The following KLF7 variants were observed in gnomAD, a reference collection of about 807,000 sequenced individuals.
The protein encoded by KLF7 is KLF transcription factor 7, also known as Krueppel-like factor 7.
KLF7 carries 2 observed loss-of-function variants against 27.3 expected under a neutral mutation model. The observed-to-expected ratio is 0.07, with a 90% confidence interval of 0.03 to 0.23. The LOEUF (loss-of-function observed/expected upper bound fraction) is 0.23, where lower values mean the gene tolerates loss of function less well. Ranked by LOEUF, KLF7 falls within the 10% of genes least tolerant of loss-of-function variation. KLF7 has a pLI of 1.00. For missense variants in KLF7, 221 were observed against 394.1 expected (o/e 0.56, Z 3.72); for synonymous variants, 165 against 162.4 (o/e 1.02, Z -0.12).
At chr2:207,150,607 C>T (rs1011444466) in intron 1 of KLF7, among the ~76,000 whole-genome samples, 1 of 152,198 alleles carries the variant, frequency 6.6e-6, no homozygotes. Flanking sequence ...CTATCATAAG[C>T]CCTGCACTTC....
At chr2:207,137,121 T>C (rs573067220) in intron 1 of KLF7, among the ~76,000 whole-genome samples, 1 of 152,220 alleles carries the variant, frequency 6.6e-6, no homozygotes, top group East Asian at 1.9e-4. Context: ...TATTAACTGG[T>C]ATCCTGGGTG....
At chr2:207,122,455 C>T (rs977112886) in intron 2 of KLF7, among the ~76,000 whole-genome samples, 2 of 152,104 alleles carry the variant, frequency 1.3e-5, no homozygotes, top group Non-Finnish European at 2.9e-5. Context: ...ATTATATATT[C>T]GAACTTCAGG....
Position 207,165,666 on chromosome 2 carries a change from A to G in KLF7, c.-98T>C. The G allele has an allele frequency of 6.3e-7, 1 of 1,577,810 alleles. No individual in the cohort carries two copies. Among genetic ancestry groups the G allele is most frequent in the Non-Finnish European group, 8.6e-7 (1 of 1,163,040 alleles). On this transcript the variant is annotated 5_prime_UTR_variant, in exon 1 of 4. Transcript: ENST00000309446. ...TGTCTGGCTCACCCCCCAAGAAGGC[A>G]GACATCCAGTGGCCCTTTTGTTTTG...
intron 2 of KLF7, among the ~76,000 whole-genome samples, chr2:207,103,912 G>T (rs1250926773): frequency 6.6e-6 from 1 of 152,198 alleles, no homozygotes; most frequent in Non-Finnish European, 1.5e-5. Flanking sequence ...TGCAACGTGG[G>T]TCTTATTAAC....
At chr2:207,156,909 A>G (rs2078397581) in intron 1 of KLF7, among the ~76,000 whole-genome samples, 1 of 152,160 alleles carries the variant, frequency 6.6e-6, no homozygotes, top group Non-Finnish European at 1.5e-5. Flanking sequence ...CTATACACCA[A>G]TGGCTCAATG....
At chr2:207,097,968 A>G (rs2076671296) in intron 2 of KLF7, among the ~76,000 whole-genome samples, 1 of 152,192 alleles carries the variant, frequency 6.6e-6, no homozygotes, top group African/African-American at 2.4e-5. Context: ...AAAAACTCAT[A>G]ACTGTTTAGG....
At chr2:207,119,135 TAGAG>T (rs953361238) in intron 2 of KLF7, among the ~76,000 whole-genome samples, 3 of 152,202 alleles carry the variant, frequency 2.0e-5, no homozygotes, top group Non-Finnish European at 2.9e-5. Context: ...CTTCAGTCTA[TAGAG>T]AGAGTCCTCC....
At chr2:207,146,358 C>T (rs2078095855) in intron 1 of KLF7, among the ~76,000 whole-genome samples, 1 of 152,160 alleles carries the variant, frequency 6.6e-6, no homozygotes, top group South Asian at 2.1e-4. Flanking sequence ...CTGAGGACTC[C>T]CAGTCACTTT....
chr2:207,134,154 A>ATTTTTTTTTT (rs35538720), intron 1 of KLF7: 106 of 1,142,442 alleles, frequency 9.3e-5, no homozygotes, highest in South Asian at 4.2e-4. Context: ...GGCTACTGGG[A>ATTTTTTTTTT]TTTTTTTTTT....
In KLF7 at chr2:207,081,125, G is replaced by A; in HGVS notation, c.*88C>T. 8.8e-7 allele frequency: 1 copy of A among 1,130,050 alleles called. No individual in the cohort carries two copies. The highest frequency in any genetic ancestry group is 1.3e-6 in the Non-Finnish European group (1 of 742,180). 70.0% of individuals were successfully genotyped at this position (1,130,050 alleles called of 1,614,324 possible). ...TGAGAACTTTCTTCTGCGAGGCAAT[G>A]GGTCCCCGCCTGAAGTCCAGCCCCC... On this transcript the variant is annotated 3_prime_UTR_variant, in exon 4 of 4. Coordinates refer to ENST00000309446, the MANE Select transcript of KLF7 (RefSeq NM_003709.4).
the KLF7 span, among the ~76,000 whole-genome samples, chr2:207,172,790 T>C: frequency 6.6e-6 from 1 of 152,244 alleles, no homozygotes; most frequent in Non-Finnish European, 1.5e-5. Flanking sequence ...CCAGTGGCCT[T>C]ATCAACCTTA....
chr2:207,118,544 T>C (rs1415009184), intron 2 of KLF7, among the ~76,000 whole-genome samples: 1 of 152,242 alleles, frequency 6.6e-6, no homozygotes, highest in African/African-American at 2.4e-5. Flanking sequence ...CCTTTATTAG[T>C]AAGCTTGGAA....
chr2:207,092,481 T>C (rs747373148), intron 2 of KLF7, among the ~76,000 whole-genome samples: 1 of 152,224 alleles, frequency 6.6e-6, no homozygotes, highest in Non-Finnish European at 1.5e-5. Context: ...GGGAGTAGTA[T>C]ATGCCACCTC....
chr2:207,113,533 A>C (rs1275648695), intron 2 of KLF7, among the ~76,000 whole-genome samples: 1 of 141,468 alleles, frequency 7.1e-6, no homozygotes, highest in Non-Finnish European at 1.5e-5. Context: ...CAGCAGGCCC[A>C]GACTGGTACC....
chr2:207,149,457 T>G (rs2078183392), intron 1 of KLF7, among the ~76,000 whole-genome samples: 5 of 152,244 alleles, frequency 3.3e-5, no homozygotes, highest in Admixed American at 3.3e-4. Context: ...CCATCCCGGC[T>G]GACTCCTGTG....
chr2:207,099,535 T>C (rs1371386701), intron 2 of KLF7, among the ~76,000 whole-genome samples: 2 of 134,078 alleles, frequency 1.5e-5, no homozygotes, highest in Admixed American at 7.8e-5. Flanking sequence ...AAAAGTTAAC[T>C]TTCTGCTACA....
At position 207,076,077 on chromosome 2, in the gene KLF7, T is replaced by C. The variant is rs1295114458; in HGVS notation, c.*5136A>G. Reference sequence around the variant, plus strand: ...CCCCCCAAAAGATATTAGGCACTGGTGGCTACTCCTCCGAAACGTCAGTAG... The same window carrying C: ...CCCCCCAAAAGATATTAGGCACTGGCGGCTACTCCTCCGAAACGTCAGTAG... On this transcript the variant is annotated 3_prime_UTR_variant, in exon 4 of 4. Transcript: ENST00000309446. 1 of 151,844 alleles carries C rather than the reference T, an allele frequency of 6.6e-6. No homozygotes were observed. The highest frequency in any genetic ancestry group is 1.5e-5 in the Non-Finnish European group (1 of 67,992). The allele number at this position is 151,844 out of a possible 1,614,324, so 9.4% of individuals were successfully genotyped here.
intron 1 of KLF7, among the ~76,000 whole-genome samples, chr2:207,137,765 T>G (rs889356992): frequency 8.5e-5 from 13 of 152,178 alleles, no homozygotes; most frequent in African/African-American, 2.4e-4. Flanking sequence ...TCTCTAAATC[T>G]TTCGTTGTCC....
intron 1 of KLF7, among the ~76,000 whole-genome samples, chr2:207,163,353 A>C (rs2078603720): frequency 6.6e-6 from 1 of 152,212 alleles, no homozygotes; most frequent in South Asian, 2.1e-4. Flanking sequence ...CGAGGGGTGA[A>C]AAATCCTTTG....
Sources: gnomAD v4.1 joint callset for allele counts (sites outside exome capture counted in the v4.1 genomes callset) on GRCh38, gnomAD v4.1.1 for gene constraint, MANE v1.5 for transcripts, NCBI Gene and HGNC (gene_info 2026-07-23, HGNC 2026-07-21) for gene names.